The following NKAIN3 variants were observed in gnomAD, a reference collection of about 807,000 sequenced individuals.
The protein encoded by NKAIN3 is sodium/potassium-transporting ATPase subunit beta-1-interacting protein 3.
In NKAIN3, 25 loss-of-function variants were observed where a neutral mutation model predicts 30.2. The observed-to-expected ratio is 0.83, with a 90% CI of 0.60 to 1.16. The LOEUF (loss-of-function observed/expected upper bound fraction) is 1.16. NKAIN3 is among the 50% of genes most tolerant of loss of function. The pLI is 0.00. For synonymous variants in NKAIN3, 91 were observed against 89.6 expected (o/e 1.02, Z -0.09); for missense variants, 225 against 254.1 (o/e 0.89, Z 0.78).
At chr8:62,458,360 G>A (rs1023134029) in intron 1 of NKAIN3, among the ~76,000 whole-genome samples, 5 of 152,190 alleles carry the variant, frequency 3.3e-5, no homozygotes, top group Non-Finnish European at 5.9e-5. Flanking sequence ...TTACAAGAAA[G>A]TGGTAAGGCA....
downstream of NKAIN3, among the ~76,000 whole-genome samples, chr8:62,988,696 C>T (rs1039986269): frequency 1.3e-5 from 2 of 152,240 alleles, no homozygotes; most frequent in Non-Finnish European, 2.9e-5. Context: ...GCCTCTGGGC[C>T]TGTGATGGGA....
intron 1 of NKAIN3, among the ~76,000 whole-genome samples, chr8:62,425,473 C>A (rs1804778621): frequency 6.6e-6 from 1 of 151,846 alleles, no homozygotes; most frequent in Non-Finnish European, 1.5e-5. Context: ...CATTATATAT[C>A]TGTTGCACAA....
rs140518918 is a variant in NKAIN3, at chr8:62,610,202, G to A, written c.273+20408G>A. ...CTCTACTAAAAATATAAGATTATCCGGGCATGGTGGCACATGCCTGTAATC... is the reference window on the plus strand; with the variant it reads ...CTCTACTAAAAATATAAGATTATCCAGGCATGGTGGCACATGCCTGTAATC... On this transcript the variant is annotated intron_variant, in intron 3 of 6. Transcript: ENST00000623646. Among the ~76,000 whole-genome samples the A allele has an allele frequency of 4.0e-3, 614 of 152,030 alleles. 13 individuals carry two copies. The highest frequency in any genetic ancestry group is 0.031 in the Admixed American group (471 of 15,262).
chr8:62,454,070 A>T (rs1477083065), intron 1 of NKAIN3, among the ~76,000 whole-genome samples: 1 of 151,908 alleles, frequency 6.6e-6, no homozygotes, highest in Non-Finnish European at 1.5e-5. Context: ...TATTTTGTAG[A>T]TGGGGAAACT....
At chr8:62,806,006 A>C (rs1343864532) in intron 4 of NKAIN3, among the ~76,000 whole-genome samples, 1 of 152,238 alleles carries the variant, frequency 6.6e-6, no homozygotes, top group Non-Finnish European at 1.5e-5. Context: ...ATGAACAGAC[A>C]CTTCTAAAAA....
chr8:62,457,999 T>A (rs926126523), intron 1 of NKAIN3, among the ~76,000 whole-genome samples: 2 of 152,214 alleles, frequency 1.3e-5, no homozygotes, highest in African/African-American at 4.8e-5. Context: ...ATTCTATGCA[T>A]AGGTAGGCCC....
intron 3 of NKAIN3, among the ~76,000 whole-genome samples, chr8:62,677,337 G>A (rs185788687): frequency 2.2e-4 from 34 of 152,346 alleles, no homozygotes; most frequent in Non-Finnish European, 4.0e-4. Context: ...TTAACCTTCA[G>A]AGTAATTCAT....
At chr8:62,319,413 A>G (rs112567941) in intron 1 of NKAIN3, among the ~76,000 whole-genome samples, 2,131 of 151,918 alleles carry the variant, frequency 0.014, 46 homozygotes, top group African/African-American at 0.046. Context: ...AGTTCTTTTA[A>G]TTGTGATGTT....
chr8:62,752,312 T>C (rs2130597191), intron 4 of NKAIN3, among the ~76,000 whole-genome samples: 1 of 152,328 alleles, frequency 6.6e-6, no homozygotes, highest in South Asian at 2.1e-4. Flanking sequence ...CTTGTCCTTA[T>C]CCTATTTAGG....
intron 1 of NKAIN3, among the ~76,000 whole-genome samples, chr8:62,289,086 G>T (rs566531302): frequency 1.3e-5 from 2 of 152,220 alleles, no homozygotes; most frequent in Admixed American, 1.3e-4. Flanking sequence ...TTTTGATGGG[G>T]TTGTTTGATT....
chr8:62,447,465 G>A (rs16928938), intron 1 of NKAIN3, among the ~76,000 whole-genome samples: 4,820 of 151,992 alleles, frequency 0.032, 288 homozygotes, highest in African/African-American at 0.11. Context: ...AACAGAGGTG[G>A]CACCAAGCGA....
chr8:62,325,604 G>C (rs931882081), intron 1 of NKAIN3, among the ~76,000 whole-genome samples: 2 of 152,066 alleles, frequency 1.3e-5, no homozygotes, highest in African/African-American at 4.8e-5. Context: ...CACATGCAGT[G>C]TAAAAATGTT....
intron 3 of NKAIN3, among the ~76,000 whole-genome samples, chr8:62,700,053 A>G (rs1293236737): frequency 6.6e-6 from 1 of 152,128 alleles, no homozygotes; most frequent in African/African-American, 2.4e-5. Flanking sequence ...AGAGCCCAGG[A>G]TTTCAAGGCT....
chr8:62,855,792 G>T, intron 4 of NKAIN3: 2 of 1,037,750 alleles, frequency 1.9e-6, no homozygotes, highest in Non-Finnish European at 3.0e-6. Flanking sequence ...TTTATCATCA[G>T]CAAAGAGTAA....
At chr8:62,526,577 A>G (rs1279809804) in intron 1 of NKAIN3, among the ~76,000 whole-genome samples, 1 of 152,182 alleles carries the variant, frequency 6.6e-6, no homozygotes, top group African/African-American at 2.4e-5. Context: ...ATCAGTTTCC[A>G]ATATTATCAT....
intron 5 of NKAIN3, among the ~76,000 whole-genome samples, chr8:62,996,288 C>T (rs919723545): frequency 2.0e-5 from 3 of 152,096 alleles, no homozygotes; most frequent in African/African-American, 7.2e-5. Flanking sequence ...AGACAGAGTG[C>T]GCAGGGGAAA....
intron 4 of NKAIN3, among the ~76,000 whole-genome samples, chr8:62,895,830 A>G (rs1209352120): frequency 6.6e-6 from 1 of 151,804 alleles, no homozygotes; most frequent in Non-Finnish European, 1.5e-5. Context: ...GTAGCATTCA[A>G]CTCCAGCTAA....
intron 4 of NKAIN3, among the ~76,000 whole-genome samples, chr8:62,747,560 A>T (rs976692616): frequency 6.6e-6 from 1 of 152,204 alleles, no homozygotes; most frequent in African/African-American, 2.4e-5. Flanking sequence ...TCCTTAAAAA[A>T]CAAATCCCAC....
At chr8:62,274,171 A>T (rs1812861459) in intron 1 of NKAIN3, among the ~76,000 whole-genome samples, 1 of 152,138 alleles carries the variant, frequency 6.6e-6, no homozygotes, top group African/African-American at 2.4e-5. Context: ...CCTTAAACTT[A>T]TTATTATTTG....
Sources: gnomAD v4.1 joint callset for allele counts (sites outside exome capture counted in the v4.1 genomes callset) on GRCh38, gnomAD v4.1.1 for gene constraint, MANE v1.5 for transcripts, NCBI Gene and HGNC (gene_info 2026-07-23, HGNC 2026-07-21) for gene names.